WRNIP1: variants seen among roughly 807,000 people sequenced by gnomAD.
WRNIP1 encodes the protein WRN helicase interacting protein 1.
A neutral mutation model predicts 56.1 loss-of-function variants in WRNIP1; 41 were observed. The observed-to-expected ratio is 0.73, with a 90% CI of 0.57 to 0.95. WRNIP1 has a LOEUF of 0.95. WRNIP1 is among the 40% of genes least tolerant of loss of function. The pLI, the probability that WRNIP1 is intolerant of heterozygous loss-of-function variation, is 0.00. For synonymous variants in WRNIP1, 547 were observed against 398.1 expected (o/e 1.37, Z -4.45); for missense variants, 1,170 against 939.4 (o/e 1.25, Z -3.21).
intron 3 of WRNIP1, among the ~76,000 whole-genome samples, chr6:2,770,930 T>C (rs1339720182): frequency 6.6e-6 from 1 of 152,260 alleles, no homozygotes; most frequent in East Asian, 1.9e-4. Context: ...CATTATAGGC[T>C]GTCCCTATCC....
rs1303498677 is a variant in WRNIP1, at chr6:2,766,130, G to C, written c.508G>C (p.Gly170Arg). Residue 170 changes from glycine (G) to arginine (R), a missense_variant, in exon 1 of 7, where the codon GGC (glycine) becomes CGC (arginine). Gly to Arg is a moderately radical substitution (Grantham distance 125). Coordinates refer to ENST00000380773, the MANE Select transcript of WRNIP1 (RefSeq NM_020135.3). ...AEAQEEEEAV[G>R]DGDGDGDADA... ...GGCGCAGGAGGAGGAGGAGGCCGTG[G>C]GCGACGGCGATGGCGACGGGGACGC... 1 of 1,241,140 alleles carries C rather than the reference G, an allele frequency of 8.1e-7. No individual in the cohort carries two copies. Among genetic ancestry groups the C allele is most frequent in the Non-Finnish European group, 1.0e-6 (1 of 971,716 alleles). 76.9% of individuals were successfully genotyped at this position (1,241,140 alleles called of 1,614,324 possible).
At position 2,765,596 on chromosome 6, in the gene WRNIP1, C is replaced by G. The variant is rs779198719; in HGVS notation, c.-27C>G. On this transcript the variant is annotated 5_prime_UTR_variant, in exon 1 of 7. Transcript: ENST00000380773. The stretch of plus-strand genomic sequence containing the variant: ...TGCGCACGGGTTGCTGCGGCCGCGC[C>G]GGGCGCCGGGGAGGGCGGCGGCCGC... 6.1e-6 allele frequency: 9 copies of G among 1,478,248 alleles called. 1 individual carries two copies. Among genetic ancestry groups the G allele is most frequent in the African/African-American group, 2.9e-5 (2 of 68,170 alleles). 91.6% of individuals were successfully genotyped at this position (1,478,248 alleles called of 1,614,324 possible).
chr6:2,766,471 T>G, intron 1 of WRNIP1, 27 bp downstream of exon 1: 15 of 1,464,052 alleles, frequency 1.0e-5, no homozygotes, highest in Non-Finnish European at 1.4e-5. Context: ...CCGTTGGGCT[T>G]CCGTAGTTAT....
chr6:2,770,465 GAGA>G, intron 3 of WRNIP1, 104 bp downstream of exon 3: 1 of 1,464,126 alleles, frequency 6.8e-7, no homozygotes, highest in South Asian at 1.3e-5. Flanking sequence ...GGTGGGGACA[GAGA>G]AGAAATGTTG....
Position 2,784,407 on chromosome 6 carries a change from A to G in WRNIP1, c.1722+4A>G. 1 of 1,613,774 alleles carries G rather than the reference A, an allele frequency of 6.2e-7. No individual in the cohort carries two copies. The highest frequency in any genetic ancestry group is 8.5e-7 in the Non-Finnish European group (1 of 1,179,702). ...TATAGGCATGCCTGAATGTGAGGTAAAGTAATCAGCTCATTTCTTGCAAAT... is the reference window on the plus strand; with the variant it reads ...TATAGGCATGCCTGAATGTGAGGTAGAGTAATCAGCTCATTTCTTGCAAAT... On this transcript the variant is annotated splice_donor_region_variant and intron_variant, in intron 6 of 6. Transcript: ENST00000380773.
In WRNIP1 at chr6:2,765,679, G is replaced by A; in HGVS notation, c.57G>A (p.Gln19=). The A allele has an allele frequency of 1.9e-6, 3 of 1,551,166 alleles. No individual in the cohort carries two copies. The highest frequency in any genetic ancestry group is 1.8e-5 in the Admixed American group (1 of 55,880). ...DPFLSQLHQV[Q]CPVCQQMMPA... ...TCCTTTCGCAGCTGCACCAGGTGCAGTGCCCCGTGTGCCAGCAGATGATGC... is the reference window on the plus strand; with the variant it reads ...TCCTTTCGCAGCTGCACCAGGTGCAATGCCCCGTGTGCCAGCAGATGATGC... Residue 19 remains glutamine, a synonymous_variant, in exon 1 of 7, where the codon CAG becomes CAA. Transcript: ENST00000380773.
Position 2,765,823 on chromosome 6 carries a change from C to G in WRNIP1, c.201C>G (p.Pro67=), listed in dbSNP as rs535835754. The G allele has an allele frequency of 2.2e-6, 3 of 1,357,376 alleles. No homozygotes were observed. Among genetic ancestry groups the G allele is most frequent in the Admixed American group, 3.6e-5 (1 of 28,138 alleles). 84.1% of individuals were successfully genotyped at this position (1,357,376 alleles called of 1,614,324 possible). The change falls in exon 1 of 7, where the codon CCC becomes CCG. Residue 67 remains proline (P), a synonymous_variant. Coordinates refer to ENST00000380773, the MANE Select transcript of WRNIP1 (RefSeq NM_020135.3). The part of the protein sequence containing the change: ...AGERAKGPSP[P]GAKRRRLSES... The stretch of plus-strand genomic sequence containing the variant: ...AGCGGGCCAAGGGGCCCTCGCCGCC[C>G]GGCGCCAAGAGGCGGCGGCTGTCGG...
At chr6:2,766,573 TG>T in intron 1 of WRNIP1, 129 bp downstream of exon 1, 2 of 1,382,248 alleles carry the variant, frequency 1.4e-6, no homozygotes, top group East Asian at 5.3e-5. Context: ...GGTGCAGACT[TG>T]GGCTGGGCTG....
intron 4 of WRNIP1, among the ~76,000 whole-genome samples, chr6:2,780,273 G>A (rs989145563): frequency 1.3e-5 from 2 of 152,204 alleles, no homozygotes; most frequent in Admixed American, 6.5e-5. Context: ...AGAAAAGGAG[G>A]CTGATAATTG....
chr6:2,769,797 G>A (rs1333945562), intron 2 of WRNIP1, among the ~76,000 whole-genome samples: 1 of 152,196 alleles, frequency 6.6e-6, no homozygotes, highest in Non-Finnish European at 1.5e-5. Context: ...CTATGTGCCA[G>A]TTCAGCCTTT....
intron 3 of WRNIP1, among the ~76,000 whole-genome samples, chr6:2,771,210 C>G (rs902612835): frequency 1.3e-5 from 2 of 152,164 alleles, no homozygotes; most frequent in African/African-American, 4.8e-5. Flanking sequence ...AGCCACTTTT[C>G]TGTGAGGATT....
intron 1 of WRNIP1, 46 bp from the exon 2 acceptor site, chr6:2,768,645 T>G: frequency 6.6e-7 from 1 of 1,520,710 alleles, no homozygotes. Flanking sequence ...CTGGTCTCTC[T>G]GTGTCTTACC....
At chr6:2,777,559 C>T (rs1410427049) in intron 3 of WRNIP1, among the ~76,000 whole-genome samples, 1 of 152,208 alleles carries the variant, frequency 6.6e-6, no homozygotes. Flanking sequence ...TTCTCCCTAC[C>T]TGTCTTCCCA....
chr6:2,777,199 A>C (rs1211542948), intron 3 of WRNIP1, among the ~76,000 whole-genome samples: 3 of 152,206 alleles, frequency 2.0e-5, no homozygotes, highest in Admixed American at 2.0e-4. Context: ...TAAGAAGTAA[A>C]GGTTTCACTC....
rs751920370 is a variant in WRNIP1, at chr6:2,784,315, G to T, written c.1643-9G>T. 1 of 1,612,534 alleles carries T rather than the reference G, an allele frequency of 6.2e-7. No individual in the cohort carries two copies. The highest frequency in any genetic ancestry group is 2.2e-5 in the East Asian group (1 of 44,848). ...GACTGAAACTCTCCTTTGTCTCTGT[G>T]TGTGGCAGGTCTGGCAGACCCGTCT... is the stretch of plus-strand genomic sequence containing the variant. On this transcript the variant is annotated splice_polypyrimidine_tract_variant and intron_variant, in intron 5 of 6. Coordinates refer to ENST00000380773, the MANE Select transcript of WRNIP1 (RefSeq NM_020135.3).
At chr6:2,783,299 A>T in intron 4 of WRNIP1, 107 bp from the exon 5 acceptor site, 1 of 1,267,424 alleles carries the variant, frequency 7.9e-7, no homozygotes, top group Non-Finnish European at 1.1e-6. Flanking sequence ...CGGCTTTCTC[A>T]GGGCCTTTAT....
rs889867412 is a variant in WRNIP1 at position 2,765,951 on chromosome 6, G to A, written c.329G>A (p.Ser110Asn). Residue 110 changes from serine to asparagine, a missense_variant, in exon 1 of 7, where the codon AGC becomes AAC. Transcript: ENST00000380773. ...GGCGGCGAGACCGAGAGCCGCGAGAGCTACGACGCGCCGCCCACACCCAGC... is the reference window on the plus strand; with the variant it reads ...GGCGGCGAGACCGAGAGCCGCGAGAACTACGACGCGCCGCCCACACCCAGC... ...DDGGETESRE[S>N]YDAPPTPSGA... 5 of 1,434,918 alleles carry A rather than the reference G, an allele frequency of 3.5e-6. No individual in the cohort carries two copies. Among genetic ancestry groups the A allele is most frequent in the Admixed American group, 2.5e-5 (1 of 40,406 alleles). 88.9% of individuals were successfully genotyped at this position (1,434,918 alleles called of 1,614,324 possible).
intron 5 of WRNIP1, 28 bp from the exon 6 acceptor site, chr6:2,784,296 A>C: frequency 6.2e-7 from 1 of 1,605,130 alleles, no homozygotes; most frequent in Non-Finnish European, 8.5e-7. Context: ...TCATGACTGA[A>C]ACTCTCCTTT....
intron 3 of WRNIP1, among the ~76,000 whole-genome samples, chr6:2,772,269 T>C (rs1581135653): frequency 6.6e-6 from 1 of 152,358 alleles, no homozygotes; most frequent in Non-Finnish European, 1.5e-5. Context: ...AGAGATTGTT[T>C]ATCTGCTAAA....
Sources: allele counts gnomAD v4.1 joint callset (sites outside exome capture counted in the v4.1 genomes callset), GRCh38; gene constraint gnomAD v4.1.1; transcripts MANE v1.5; gene names NCBI Gene and HGNC (gene_info 2026-07-23, HGNC 2026-07-21).